RASAL2: variants seen among roughly 807,000 people sequenced by gnomAD.
The protein encoded by RASAL2 is ras GTPase-activating protein nGAP.
RASAL2 carries 58 observed loss-of-function variants against 128.9 expected under a neutral mutation model. The observed-to-expected ratio is 0.45, with a 90% confidence interval of 0.36 to 0.56. The LOEUF (loss-of-function observed/expected upper bound fraction) is 0.56. Among genes scored for constraint, RASAL2 ranks in the 20% least tolerant of loss-of-function variants. The pLI, the probability that RASAL2 is intolerant of heterozygous loss-of-function variation, is 0.00. For synonymous variants in RASAL2, 561 were observed against 580.8 expected, an observed-to-expected ratio of 0.97 and a Z score of 0.49; for missense variants, 1,360 against 1,601.6, an observed-to-expected ratio of 0.85 and a Z score of 2.57.
chr1:178,111,558 G>T (rs962186294), intron 1 of RASAL2, among the ~76,000 whole-genome samples: 2 of 152,134 alleles, frequency 1.3e-5, no homozygotes, highest in African/African-American at 4.8e-5. Context: ...AGCAGTGTAT[G>T]TAAGTTCCAT....
At chr1:178,182,109 A>T (rs1662135583) in intron 1 of RASAL2, among the ~76,000 whole-genome samples, 1 of 151,842 alleles carries the variant, frequency 6.6e-6, no homozygotes, top group African/African-American at 2.4e-5. Flanking sequence ...CCACCCTCCT[A>T]CCCCATTTAT....
intron 4 of RASAL2, among the ~76,000 whole-genome samples, chr1:178,403,083 A>G (rs570496720): frequency 1.1e-4 from 16 of 152,298 alleles, no homozygotes; most frequent in Non-Finnish European, 1.9e-4. Flanking sequence ...GTCATAAGAA[A>G]ATCAACATAC....
chr1:178,148,355 T>C (rs907045807), intron 1 of RASAL2, among the ~76,000 whole-genome samples: 1 of 152,210 alleles, frequency 6.6e-6, no homozygotes, highest in Non-Finnish European at 1.5e-5. Flanking sequence ...AGTTAGCATC[T>C]CTTAAATGGT....
At chr1:178,437,240 T>C (rs909583035) in intron 5 of RASAL2, among the ~76,000 whole-genome samples, 3 of 152,134 alleles carry the variant, frequency 2.0e-5, no homozygotes, top group African/African-American at 7.2e-5. Context: ...TGTTTGTGTT[T>C]CTGTTCTGCT....
At chr1:178,128,143 C>A (rs971125258) in intron 1 of RASAL2, among the ~76,000 whole-genome samples, 4 of 152,024 alleles carry the variant, frequency 2.6e-5, no homozygotes, top group African/African-American at 7.2e-5. Context: ...ACATCACTAC[C>A]CGAGTATTTA....
At chr1:178,276,476 C>G (rs1666516323) in intron 1 of RASAL2, among the ~76,000 whole-genome samples, 1 of 151,728 alleles carries the variant, frequency 6.6e-6, no homozygotes, top group African/African-American at 2.4e-5. Context: ...CATAAATCTG[C>G]AGTATATTGT....
intron 2 of RASAL2, 56 bp downstream of exon 2, chr1:178,283,747 A>T (rs1310744897): frequency 2.5e-6 from 4 of 1,590,886 alleles, no homozygotes; most frequent in Non-Finnish European, 2.6e-6. Context: ...AATTCCTGAA[A>T]TTACCTAGTT....
At chr1:178,123,566 C>T (rs1486064004) in intron 1 of RASAL2, among the ~76,000 whole-genome samples, 1 of 152,194 alleles carries the variant, frequency 6.6e-6, no homozygotes, top group Non-Finnish European at 1.5e-5. Flanking sequence ...TTGTGGTCCC[C>T]ACTTCACTGT....
At chr1:178,156,745 C>T (rs1177325827) in intron 1 of RASAL2, among the ~76,000 whole-genome samples, 4 of 152,110 alleles carry the variant, frequency 2.6e-5, no homozygotes, top group Admixed American at 1.3e-4. Flanking sequence ...ATTACACTTT[C>T]TAATAAATAT....
intron 1 of RASAL2, among the ~76,000 whole-genome samples, chr1:178,201,152 T>A (rs1357205997): frequency 6.6e-6 from 1 of 152,058 alleles, no homozygotes; most frequent in Non-Finnish European, 1.5e-5. Flanking sequence ...ATATTAAGGG[T>A]GTGGGATGAT....
intron 2 of RASAL2, among the ~76,000 whole-genome samples, chr1:178,296,139 GTGTGTATATATGTGTATATATA>G (rs1287409793): frequency 7.6e-6 from 1 of 131,372 alleles, no homozygotes; most frequent in African/African-American, 4.3e-5. Context: ...ATATATATGT[GTGTGTATATATGTGTATATATA>G]TGTGTGTGTG....
intron 1 of RASAL2, among the ~76,000 whole-genome samples, chr1:178,241,488 T>C (rs1664497713): frequency 6.6e-6 from 1 of 152,204 alleles, no homozygotes; most frequent in African/African-American, 2.4e-5. Flanking sequence ...TTCTCATCTT[T>C]TAAGGCAGCT....
chr1:178,441,605 C>T lies in RASAL2; in HGVS notation c.885C>T (p.Asp295=), dbSNP rs755407167. 1 of 1,612,658 alleles carries T rather than the reference C, an allele frequency of 6.2e-7. No individual in the cohort carries two copies. The highest frequency in any genetic ancestry group is 1.7e-4 in the Middle Eastern group (1 of 6,048). Residue 295 remains aspartate (D), a synonymous_variant, in exon 7 of 18, where the codon GAC becomes GAT. Transcript: ENST00000367649. ...GCTGTAATTCTGCTTCTGAGAGAGA[C>T]AAGTGGATGGAAAACCTTCGCAGGA... ...CFSCNSASER[D]KWMENLRRTV...
At chr1:178,398,953 A>T (rs905085648) in intron 4 of RASAL2, among the ~76,000 whole-genome samples, 7 of 152,168 alleles carry the variant, frequency 4.6e-5, no homozygotes, top group African/African-American at 1.7e-4. Context: ...AGTGCAGTAC[A>T]CAGGGCCTAC....
chr1:178,131,375 C>CTTTTTTTTTTTT (rs71108028), intron 1 of RASAL2, among the ~76,000 whole-genome samples: 1 of 82,606 alleles, frequency 1.2e-5, no homozygotes, highest in Non-Finnish European at 2.2e-5. Context: ...CCTGGATAAT[C>CTTTTTTTTTTTT]TTTTTTTTTT....
At position 178,094,625 on chromosome 1, in the gene RASAL2, G is replaced by A; in HGVS notation, c.133G>A (p.Ala45Thr). The A allele has an allele frequency of 6.2e-7, 1 of 1,613,712 alleles. No individual in the cohort carries two copies. The highest frequency in any genetic ancestry group is 8.5e-7 in the Non-Finnish European group (1 of 1,179,902). ...DAVVPVSGAV[A>T]GGMLDRILLE... The stretch of plus-strand genomic sequence containing the variant: ...GGTTGTCCCAGTCAGTGGAGCCGTC[G>A]CCGGTGGCATGTTGGATCGGATCCT... The change falls in exon 1 of 18, where the codon GCC becomes ACC. Residue 45 changes from alanine to threonine, a missense_variant. By Grantham distance (58) the Ala-to-Thr change is moderately conservative (BLOSUM62 0). Around this residue, in one of 3 missense-constraint regions of RASAL2, gnomAD observed 617 missense variants for 714.2 expected, o/e 0.86. Transcript: ENST00000367649.
intron 2 of RASAL2, among the ~76,000 whole-genome samples, chr1:178,295,885 G>T (rs1341150443): frequency 6.6e-6 from 1 of 152,144 alleles, no homozygotes; most frequent in Non-Finnish European, 1.5e-5. Context: ...TTTAGGAAAA[G>T]AAATAAGAAG....
At chr1:178,194,844 GTAGA>G (rs1218880121) in intron 1 of RASAL2, 1 of 152,216 alleles carries the variant, frequency 6.6e-6, no homozygotes, top group East Asian at 1.9e-4. Context: ...GATTTTAAAT[GTAGA>G]TAGTTTTGGT....
At chr1:178,176,593 A>G (rs1661900684) in intron 1 of RASAL2, among the ~76,000 whole-genome samples, 1 of 144,214 alleles carries the variant, frequency 6.9e-6, no homozygotes, top group Admixed American at 7.3e-5. Flanking sequence ...TAGTAACTGT[A>G]TGTTAAGCCA....
Sources: allele counts gnomAD v4.1 joint callset (sites outside exome capture counted in the v4.1 genomes callset), GRCh38; gene constraint gnomAD v4.1.1; regional missense constraint gnomAD v4.1.1; transcripts MANE v1.5; gene names NCBI Gene and HGNC (gene_info 2026-07-23, HGNC 2026-07-21).